CFAP61: variants seen among roughly 807,000 people sequenced by gnomAD.
CFAP61 encodes cilia- and flagella-associated protein 61.
CFAP61 carries 107 observed loss-of-function variants against 135.6 expected under a neutral mutation model. The ratio of observed to expected loss-of-function variants is 0.79; its 90% CI spans 0.67 to 0.93. CFAP61 has a LOEUF of 0.93. Ranked by LOEUF, CFAP61 falls within the 40% of genes least tolerant of loss-of-function variation. CFAP61 has a pLI of 0.00. For missense variants in CFAP61, 1,507 were observed against 1,556.2 expected, an observed-to-expected ratio of 0.97 and a Z score of 0.53; for synonymous variants, 575 against 578.5, an observed-to-expected ratio of 0.99 and a Z score of 0.09.
rs116785714 is a variant in CFAP61, at chr20:20,348,075, C to T, written c.3513+6154C>T. On this transcript the variant is annotated intron_variant, in intron 26 of 26. Transcript: ENST00000245957. ...AGAAAAGCCCAAGACCGGATGGCTT[C>T]GTTAGTGAATTCTATCAAATATTTA... is the stretch of plus-strand genomic sequence containing the variant. Among the ~76,000 whole-genome samples the T allele has an allele frequency of 7.5e-3, 1,143 of 152,188 alleles. 12 individuals carry two copies. Among genetic ancestry groups the T allele is most frequent in the African/African-American group, 0.026 (1,090 of 41,522 alleles).
intron 25 of CFAP61, among the ~76,000 whole-genome samples, chr20:20,304,272 CTGTGTGTGTG>C (rs532157100): frequency 9.7e-6 from 1 of 103,066 alleles, no homozygotes; most frequent in South Asian, 3.9e-4. Flanking sequence ...CCATCGGTGA[CTGTGTGTGTG>C]TGTGTGTGTG....
intron 9 of CFAP61, among the ~76,000 whole-genome samples, chr20:20,157,036 T>G (rs2052970070): frequency 6.6e-6 from 1 of 152,086 alleles, no homozygotes; most frequent in Non-Finnish European, 1.5e-5. Context: ...CTTTGAAAAA[T>G]AACAAAGCTG....
intron 21 of CFAP61, among the ~76,000 whole-genome samples, chr20:20,269,231 A>ATATATACACATATATACATGTATG (rs1569220007): frequency 1.4e-5 from 2 of 143,392 alleles, no homozygotes; most frequent in African/African-American, 5.1e-5. Flanking sequence ...ACATATATGT[A>ATATATACACATATATACATGTATG]TATATATACA....
rs1313311297 is a variant in CFAP61, at chr20:20,157,148, G to C, written c.952-2222G>C. ...AGTGCAGTGGCATGATCTCAGCTCA[G>C]TGCAACCTCCGCCTCCCAGGTTCAA... On this transcript the variant is annotated intron_variant, in intron 9 of 26. Transcript: ENST00000245957. Among the ~76,000 whole-genome samples, 3 of 152,094 alleles carry C rather than the reference G, an allele frequency of 2.0e-5. No homozygotes were observed. The South Asian group carries it at 6.2e-4, about 32-fold the overall frequency.
At chr20:20,177,723 C>G (rs2054742479) in intron 13 of CFAP61, among the ~76,000 whole-genome samples, 1 of 150,588 alleles carries the variant, frequency 6.6e-6, no homozygotes, top group Admixed American at 6.7e-5. Context: ...GGAAAGAGAT[C>G]AAATGCACAG....
intron 8 of CFAP61, among the ~76,000 whole-genome samples, chr20:20,142,643 G>A (rs2051502671): frequency 6.6e-6 from 1 of 152,148 alleles, no homozygotes; most frequent in Non-Finnish European, 1.5e-5. Flanking sequence ...GAGAGGTGGA[G>A]GGAGGGAGGA....
intron 17 of CFAP61, among the ~76,000 whole-genome samples, chr20:20,226,500 G>A (rs1451610347): frequency 6.6e-6 from 1 of 152,184 alleles, no homozygotes; most frequent in Non-Finnish European, 1.5e-5. Flanking sequence ...CAGCCCTATT[G>A]TGGCAATATC....
intron 10 of CFAP61, among the ~76,000 whole-genome samples, chr20:20,162,444 G>A (rs934256233): frequency 6.6e-6 from 1 of 152,182 alleles, no homozygotes; most frequent in Non-Finnish European, 1.5e-5. Context: ...TGATGTCACT[G>A]AAGGTGGCCA....
In CFAP61 at chr20:20,130,367, G is replaced by A. The variant is rs368463443; in HGVS notation, c.860-12490G>A. ...TTGATCATAGAGCTCACATATTGCC[G>A]TCTTATTAGGGTCAGTCACTGGCTC... On this transcript the variant is annotated intron_variant, in intron 8 of 26. Coordinates refer to ENST00000245957, the MANE Select transcript of CFAP61 (RefSeq NM_015585.4). 1.4e-4 allele frequency among the ~76,000 whole-genome samples: 22 copies of A among 151,860 alleles called. 1 individual carries two copies. The highest frequency in any genetic ancestry group is 3.9e-4 in the African/African-American group (16 of 41,184).
chr20:20,269,286 G>T (rs2053146148), intron 21 of CFAP61, among the ~76,000 whole-genome samples: 2 of 147,828 alleles, frequency 1.4e-5, no homozygotes, highest in Admixed American at 6.8e-5. Context: ...AAATACAAAA[G>T]AATAGGTAAA....
intron 17 of CFAP61, among the ~76,000 whole-genome samples, chr20:20,214,784 T>A (rs2047922861): frequency 6.6e-6 from 1 of 152,234 alleles, no homozygotes; most frequent in Admixed American, 6.5e-5. Flanking sequence ...AGGGCTCCCC[T>A]CCTGGCCTCC....
intron 25 of CFAP61, among the ~76,000 whole-genome samples, chr20:20,303,939 G>A (rs1368213701): frequency 6.6e-6 from 1 of 152,084 alleles, no homozygotes; most frequent in East Asian, 1.9e-4. Context: ...TCACTCCATC[G>A]AGGGCCAAAA....
intron 25 of CFAP61, among the ~76,000 whole-genome samples, chr20:20,310,746 C>A (rs541032353): frequency 2.0e-4 from 30 of 152,184 alleles, no homozygotes; most frequent in Non-Finnish European, 3.5e-4. Flanking sequence ...CCAATCCTCT[C>A]TGGCAAAATC....
rs182588760 is a variant in CFAP61, at chr20:20,150,154, C to A, written c.951+7206C>A. On this transcript the variant is annotated intron_variant, in intron 9 of 26. Coordinates refer to ENST00000245957, the MANE Select transcript of CFAP61 (RefSeq NM_015585.4). ...GAGGCAGCCATGATTCCCTCTGGAACATAACCCCATGCGCCCACCACCCCC... is the reference window on the plus strand; with the variant it reads ...GAGGCAGCCATGATTCCCTCTGGAAAATAACCCCATGCGCCCACCACCCCC... 6.6e-5 allele frequency among the ~76,000 whole-genome samples: 10 copies of A among 151,816 alleles called. No individual in the cohort carries two copies. In the East Asian group the frequency reaches 1.6e-3, roughly 24 times the overall value.
intron 6 of CFAP61, among the ~76,000 whole-genome samples, chr20:20,080,986 G>A (rs976028731): frequency 1.3e-5 from 2 of 151,650 alleles, no homozygotes; most frequent in South Asian, 2.1e-4. Context: ...TGGCGACAGA[G>A]CAAGACTCCA....
At chr20:20,097,936 A>G (rs998965975) in intron 7 of CFAP61, among the ~76,000 whole-genome samples, 5 of 152,202 alleles carry the variant, frequency 3.3e-5, no homozygotes, top group Non-Finnish European at 5.9e-5. Flanking sequence ...TGGGCACTGG[A>G]ACAATGACCT....
intron 25 of CFAP61, among the ~76,000 whole-genome samples, chr20:20,327,864 A>G (rs1462264477): frequency 7.3e-5 from 11 of 151,480 alleles, no homozygotes; most frequent in Non-Finnish European, 1.5e-4. Flanking sequence ...TTTCTTGCAA[A>G]TCTTTCTTCC....
At chr20:20,066,440 A>G (rs2045271013) in intron 2 of CFAP61, among the ~76,000 whole-genome samples, 3 of 152,362 alleles carry the variant, frequency 2.0e-5, no homozygotes, top group Middle Eastern at 3.4e-3. Flanking sequence ...ATGTCCATCA[A>G]TAATAGACTG....
At chr20:20,233,371 C>A (rs139669147) in intron 18 of CFAP61, among the ~76,000 whole-genome samples, 1 of 152,188 alleles carries the variant, frequency 6.6e-6, no homozygotes, top group Non-Finnish European at 1.5e-5. Context: ...TGCACGTGTG[C>A]GCCTCGCAAT....
Sources: gnomAD v4.1 joint callset for allele counts (sites outside exome capture counted in the v4.1 genomes callset) on GRCh38, gnomAD v4.1.1 for gene constraint, MANE v1.5 for transcripts, NCBI Gene and HGNC (gene_info 2026-07-23, HGNC 2026-07-21) for gene names.